Variants in NEDD4L observed in about 807,000 individuals in gnomAD.
NEDD4L encodes the protein NEDD4 like E3 ubiquitin protein ligase.
A neutral mutation model predicts 148.9 loss-of-function variants in NEDD4L; 54 were observed. The observed-to-expected ratio is 0.36, with a 90% confidence interval of 0.29 to 0.45. NEDD4L has a LOEUF of 0.45. Ranked by LOEUF, NEDD4L falls within the 20% of genes least tolerant of loss-of-function variation. The pLI is 1.00. For synonymous variants in NEDD4L, 433 were observed against 440.7 expected (o/e 0.98, Z 0.22); for missense variants, 856 against 1,233.8 (o/e 0.69, Z 4.59).
chr18:58,206,853 A>G (rs1045075343), intron 2 of NEDD4L, among the ~76,000 whole-genome samples: 4 of 152,174 alleles, frequency 2.6e-5, no homozygotes, highest in Non-Finnish European at 4.4e-5. Flanking sequence ...GTAGGAATCA[A>G]TTGCATCCCC....
chr18:58,346,783 C>G (rs1233913265), intron 16 of NEDD4L, among the ~76,000 whole-genome samples: 2 of 152,206 alleles, frequency 1.3e-5, no homozygotes, highest in Admixed American at 6.5e-5. Flanking sequence ...ACCAGGCACA[C>G]TTTATGCGTT....
At chr18:58,278,995 C>T (rs1245234185) in intron 5 of NEDD4L, among the ~76,000 whole-genome samples, 1 of 152,134 alleles carries the variant, frequency 6.6e-6, no homozygotes, top group Non-Finnish European at 1.5e-5. Flanking sequence ...CCTCAGCCTC[C>T]CAAGTAGCCG....
At chr18:58,113,597 T>G (rs2085551885) in intron 1 of NEDD4L, among the ~76,000 whole-genome samples, 1 of 152,102 alleles carries the variant, frequency 6.6e-6, no homozygotes, top group African/African-American at 2.4e-5. Flanking sequence ...TTAGAGTAAC[T>G]GAAATAAAGT....
intron 24 of NEDD4L, among the ~76,000 whole-genome samples, chr18:58,378,912 G>A (rs1237431704): frequency 6.6e-6 from 1 of 152,238 alleles, no homozygotes; most frequent in Non-Finnish European, 1.5e-5. Context: ...GAGTCCCCCA[G>A]AAGTTCCTCT....
chr18:58,342,670 A>G lies in NEDD4L; in HGVS notation c.1378-236A>G, dbSNP rs534695978. Among the ~76,000 whole-genome samples, 8 of 152,358 alleles carry G rather than the reference A, an allele frequency of 5.3e-5. No individual in the cohort carries two copies. The South Asian group carries it at 8.3e-4, about 16-fold the overall frequency. On this transcript the variant is annotated intron_variant, in intron 15 of 30. Coordinates refer to ENST00000400345, the MANE Select transcript of NEDD4L (RefSeq NM_001144967.3). ...GTACAGAACAGTATTTTTGGTACAT[A>G]CTGAGTAGCTACCAAAGGATGGTGG...
chr18:58,095,090 T>C (rs888807551), intron 1 of NEDD4L, among the ~76,000 whole-genome samples: 32 of 152,200 alleles, frequency 2.1e-4, no homozygotes, highest in Non-Finnish European at 4.3e-4. Flanking sequence ...TCTAGATGTT[T>C]CACAAGTTAA....
intron 2 of NEDD4L, among the ~76,000 whole-genome samples, chr18:58,180,334 C>T (rs2038710064): frequency 1.3e-5 from 2 of 152,336 alleles, no homozygotes; most frequent in Middle Eastern, 6.8e-3. Flanking sequence ...GTCCTTGGCT[C>T]TGTGCCTGGC....
intron 16 of NEDD4L, among the ~76,000 whole-genome samples, chr18:58,345,574 C>A (rs2042937426): frequency 6.6e-6 from 1 of 152,104 alleles, no homozygotes; most frequent in Non-Finnish European, 1.5e-5. Context: ...GATTCTTACA[C>A]CAACCAGAAG....
intron 2 of NEDD4L, 151 bp from the exon 3 acceptor site, chr18:58,245,276 T>G (rs981910214): frequency 1.9e-5 from 9 of 474,786 alleles, no homozygotes; most frequent in Admixed American, 3.8e-5. Flanking sequence ...GTGTATTGAC[T>G]TAGTAGATAT....
At chr18:58,066,851 C>T (rs144147012) in intron 1 of NEDD4L, among the ~76,000 whole-genome samples, 3 of 152,014 alleles carry the variant, frequency 2.0e-5, no homozygotes, top group Non-Finnish European at 4.4e-5. Context: ...AGCACAGACT[C>T]ACTATCACGA....
intron 1 of NEDD4L, among the ~76,000 whole-genome samples, chr18:58,120,449 C>T (rs761132560): frequency 3.3e-5 from 5 of 152,312 alleles, no homozygotes; most frequent in Non-Finnish European, 7.4e-5. Flanking sequence ...GTACAATGCC[C>T]AGCTCATAAT....
intron 1 of NEDD4L, among the ~76,000 whole-genome samples, chr18:58,066,731 G>A (rs2144805031): frequency 6.6e-6 from 1 of 152,236 alleles, no homozygotes; most frequent in South Asian, 2.1e-4. Flanking sequence ...CTTCTGGGGA[G>A]GCCTCAGGAA....
At chr18:58,189,805 A>G (rs1436455050) in intron 2 of NEDD4L, 1 of 152,078 alleles carries the variant, frequency 6.6e-6, no homozygotes, top group Non-Finnish European at 1.5e-5. Context: ...CTTTTCCTCC[A>G]TCCCCACCTT....
intron 2 of NEDD4L, among the ~76,000 whole-genome samples, chr18:58,192,525 C>G (rs139598527): frequency 2.0e-5 from 3 of 152,336 alleles, no homozygotes; most frequent in Non-Finnish European, 4.4e-5. Context: ...CCTAGCTTCT[C>G]TAGTTTAGTG....
At chr18:58,335,395 G>A (rs541125204) in intron 12 of NEDD4L, 83 bp from the exon 13 acceptor site, 36 of 1,118,040 alleles carry the variant, frequency 3.2e-5, no homozygotes, top group Non-Finnish European at 4.1e-5. Flanking sequence ...GCCTTACAGC[G>A]CTGCCACAGC....
At chr18:58,385,636 C>T (rs755307272) in intron 26 of NEDD4L, 50 bp downstream of exon 26, 20 of 1,444,318 alleles carry the variant, frequency 1.4e-5, no homozygotes, top group Admixed American at 1.7e-5. Context: ...GGTCCCGGGT[C>T]GATGGGGGAT....
chr18:58,230,381 G>T lies in NEDD4L; in HGVS notation c.123-15046G>T, dbSNP rs111495568. ...ATGATTTCAGTTTTTGGTATCAGGT[G>T]ATGTTGCGGAAGTGAGGTTCACTGT... On this transcript the variant is annotated intron_variant, in intron 2 of 30. Coordinates refer to ENST00000400345, the MANE Select transcript of NEDD4L (RefSeq NM_001144967.3). 1.1e-3 allele frequency among the ~76,000 whole-genome samples: 169 copies of T among 149,082 alleles called. 1 individual carries two copies. Among genetic ancestry groups the T allele is most frequent in the African/African-American group, 4.2e-3 (168 of 40,322 alleles).
rs1261159829 is a variant in NEDD4L at position 58,331,601 on chromosome 18, A to G, written c.990+687A>G. ...GTCACAAAGACTTCCATGTTTGACAATACAAAACTGTGCAGAAATAACCCA... is the reference window on the plus strand; with the variant it reads ...GTCACAAAGACTTCCATGTTTGACAGTACAAAACTGTGCAGAAATAACCCA... On this transcript the variant is annotated intron_variant, in intron 11 of 30. Coordinates refer to ENST00000400345, the MANE Select transcript of NEDD4L (RefSeq NM_001144967.3). Among the ~76,000 whole-genome samples, 3 of 152,220 alleles carry G rather than the reference A, an allele frequency of 2.0e-5. 1 individual carries two copies. Among genetic ancestry groups the G allele is most frequent in the African/African-American group, 7.2e-5 (3 of 41,456 alleles).
In NEDD4L at chr18:58,344,542, A is replaced by C. The variant is rs567528672; in HGVS notation, c.1575+1439A>C. 7.9e-5 allele frequency among the ~76,000 whole-genome samples: 12 copies of C among 152,334 alleles called. No homozygotes were observed. In the South Asian group the frequency reaches 2.5e-3, roughly 32 times the overall value. The stretch of plus-strand genomic sequence containing the variant: ...TTTTGAAGTAAGGGAATGGCCTGCC[A>C]AGAGAATTTCTCATTTAGATCTGGT... On this transcript the variant is annotated intron_variant, in intron 16 of 30. Coordinates refer to ENST00000400345, the MANE Select transcript of NEDD4L (RefSeq NM_001144967.3).
Sources: gnomAD v4.1 joint callset for allele counts (sites outside exome capture counted in the v4.1 genomes callset) on GRCh38, gnomAD v4.1.1 for gene constraint, MANE v1.5 for transcripts, NCBI Gene and HGNC (gene_info 2026-07-23, HGNC 2026-07-21) for gene names.